The following DIS3L2 variants were observed in gnomAD, a reference collection of about 807,000 sequenced individuals.
DIS3L2 encodes DIS3-like exonuclease 2.
Under a neutral mutation model 97.5 loss-of-function variants are expected in DIS3L2, and 34 were observed. That is an observed-to-expected ratio of 0.35 (90% CI 0.27 to 0.46). The LOEUF is 0.46. Ranked by LOEUF, DIS3L2 falls within the 20% of genes least tolerant of loss-of-function variation. The pLI is 1.00. For missense variants in DIS3L2, 1,038 were observed against 1,146.0 expected (o/e 0.91, Z 1.36); for synonymous variants, 435 against 445.2 (o/e 0.98, Z 0.29).
intron 14 of DIS3L2, among the ~76,000 whole-genome samples, chr2:232,327,486 G>A (rs1300268326): frequency 6.6e-6 from 1 of 152,230 alleles, no homozygotes; most frequent in Non-Finnish European, 1.5e-5. Context: ...GAGTGAGAGG[G>A]CAAAAGTACG....
chr2:231,973,312 G>T (rs1259237018), intron 1 of DIS3L2, among the ~76,000 whole-genome samples: 1 of 151,824 alleles, frequency 6.6e-6, no homozygotes, highest in African/African-American at 2.4e-5. Context: ...ATATATTTTT[G>T]TAGAAGCCTT....
chr2:232,111,158 T>C lies in DIS3L2; in HGVS notation c.602-19461T>C, dbSNP rs560975847. 3.1e-4 allele frequency: 138 copies of C among 449,634 alleles called. 1 individual carries two copies. Among genetic ancestry groups the C allele is most frequent in the South Asian group, 2.2e-3 (135 of 60,536 alleles). The allele number at this position is 449,634 out of a possible 1,614,324, so 27.9% of individuals were successfully genotyped here. A position where few individuals can be genotyped will look rare whatever the true frequency, so the allele number is the denominator to read the frequency against. On this transcript the variant is annotated intron_variant, in intron 6 of 20. Coordinates refer to ENST00000325385, the MANE Select transcript of DIS3L2 (RefSeq NM_152383.5). ...TAAAAAACTGCTGTGCTTAAAAGTTTAGAAACAACTGATATAGTTCATCCC... is the reference window on the plus strand; with the variant it reads ...TAAAAAACTGCTGTGCTTAAAAGTTCAGAAACAACTGATATAGTTCATCCC...
intron 14 of DIS3L2, among the ~76,000 whole-genome samples, chr2:232,321,404 G>T (rs1695427237): frequency 6.6e-6 from 1 of 152,190 alleles, no homozygotes; most frequent in South Asian, 2.1e-4. Flanking sequence ...AGTCTAGAAA[G>T]AGGCTCACCT....
chr2:232,093,987 A>T (rs1696924281), intron 6 of DIS3L2, among the ~76,000 whole-genome samples: 1 of 151,140 alleles, frequency 6.6e-6, no homozygotes, highest in East Asian at 1.9e-4. Flanking sequence ...CTTTTTTTTG[A>T]TGTAAGCACT....
At chr2:232,278,448 C>A (rs906677246) in intron 13 of DIS3L2, among the ~76,000 whole-genome samples, 12 of 152,206 alleles carry the variant, frequency 7.9e-5, no homozygotes, top group Non-Finnish European at 1.5e-4. Flanking sequence ...AAAATTCCCA[C>A]GTGCCCCTCT....
chr2:232,337,801 G>A (rs908336866), downstream of DIS3L2, among the ~76,000 whole-genome samples: 6 of 151,550 alleles, frequency 4.0e-5, no homozygotes, highest in Non-Finnish European at 8.8e-5. Flanking sequence ...AGAGTGCCTC[G>A]CAGCGACAGT....
At chr2:232,299,706 G>A (rs948096121) in intron 13 of DIS3L2, among the ~76,000 whole-genome samples, 3 of 152,340 alleles carry the variant, frequency 2.0e-5, no homozygotes, top group Admixed American at 2.0e-4. Context: ...TTTGATTGCT[G>A]TCAGTCTTCT....
chr2:232,005,170 A>ATTTT (rs55757645), intron 1 of DIS3L2, among the ~76,000 whole-genome samples: 3,189 of 126,456 alleles, frequency 0.025, 137 homozygotes, highest in African/African-American at 0.036. Context: ...AAGAATCTTG[A>ATTTT]TTTTTTTTTT....
At chr2:232,000,674 T>TTCTC (rs1242630069) in intron 1 of DIS3L2, among the ~76,000 whole-genome samples, 1 of 148,796 alleles carries the variant, frequency 6.7e-6, no homozygotes, top group South Asian at 2.2e-4. Flanking sequence ...CTTTCTCTCT[T>TTCTC]TCTCTCTTTC....
chr2:232,335,986 C>G (rs1695931315), intron 20 of DIS3L2, 112 bp downstream of exon 20: 1 of 1,531,558 alleles, frequency 6.5e-7, no homozygotes, highest in Non-Finnish European at 8.8e-7. Flanking sequence ...AGCACTGCAG[C>G]CTCCCGGGTG....
chr2:232,069,822 C>T (rs1264723734), intron 5 of DIS3L2, among the ~76,000 whole-genome samples: 3 of 152,164 alleles, frequency 2.0e-5, no homozygotes, highest in Non-Finnish European at 1.5e-5. Context: ...GACACATACA[C>T]ACATACACAC....
intron 5 of DIS3L2, among the ~76,000 whole-genome samples, chr2:232,070,454 G>A (rs758375893): frequency 1.3e-5 from 2 of 152,072 alleles, no homozygotes; most frequent in Non-Finnish European, 2.9e-5. Flanking sequence ...TTATCACCTT[G>A]CTACTGAGAG....
intron 11 of DIS3L2, among the ~76,000 whole-genome samples, chr2:232,243,542 C>T (rs1693165171): frequency 6.6e-6 from 1 of 152,204 alleles, no homozygotes; most frequent in Non-Finnish European, 1.5e-5. Context: ...TACCCCAACA[C>T]AGAGATCTTT....
At chr2:232,199,657 G>A (rs1559727654) in intron 9 of DIS3L2, among the ~76,000 whole-genome samples, 1 of 152,096 alleles carries the variant, frequency 6.6e-6, no homozygotes. Context: ...TTGATTATTT[G>A]TGTAAGAAAG....
intron 14 of DIS3L2, among the ~76,000 whole-genome samples, chr2:232,308,412 GT>G (rs34433984): frequency 0.15 from 23,081 of 152,190 alleles, 2,874 homozygotes; most frequent in African/African-American, 0.34. Context: ...CCTTACTGCA[GT>G]TCTTACTCTT....
chr2:232,126,259 G>C (rs936508361), intron 6 of DIS3L2, among the ~76,000 whole-genome samples: 1 of 152,220 alleles, frequency 6.6e-6, no homozygotes, highest in Non-Finnish European at 1.5e-5. Context: ...GTCCTAGCTT[G>C]TCAGTTTCAT....
At chr2:232,248,656 A>G (rs1049389647) in intron 11 of DIS3L2, among the ~76,000 whole-genome samples, 2 of 152,252 alleles carry the variant, frequency 1.3e-5, no homozygotes, top group Non-Finnish European at 2.9e-5. Flanking sequence ...AAAATGGGAA[A>G]ATGGATAACT....
intron 5 of DIS3L2, among the ~76,000 whole-genome samples, chr2:232,052,587 A>ACC (rs1159839527): frequency 1.3e-5 from 2 of 152,144 alleles, no homozygotes; most frequent in African/African-American, 4.8e-5. Flanking sequence ...AATCTTGGGC[A>ACC]CCACATACAG....
chr2:232,251,271 T>C (rs914883030), intron 12 of DIS3L2, among the ~76,000 whole-genome samples: 2 of 152,162 alleles, frequency 1.3e-5, no homozygotes, highest in Non-Finnish European at 2.9e-5. Flanking sequence ...CTTATATCTT[T>C]AGGGAATTTT....
Sources: allele counts gnomAD v4.1 joint callset (sites outside exome capture counted in the v4.1 genomes callset), GRCh38; gene constraint gnomAD v4.1.1; transcripts MANE v1.5; gene names NCBI Gene and HGNC (gene_info 2026-07-23, HGNC 2026-07-21).